Variants in ABCG2 observed in about 807,000 individuals in gnomAD.
The protein encoded by ABCG2 is ATP binding cassette subfamily G member 2 (JR blood group), also known as broad substrate specificity ATP-binding cassette transporter ABCG2.
A neutral mutation model predicts 73.5 loss-of-function variants in ABCG2; 80 were observed. That is an observed-to-expected ratio of 1.09 (90% CI 0.91 to 1.31). ABCG2 has a LOEUF of 1.31. ABCG2 is among the 50% of genes most tolerant of loss of function. The pLI, the probability that ABCG2 is intolerant of heterozygous loss-of-function variation, is 0.00. For synonymous variants in ABCG2, 269 were observed against 282.4 expected (o/e 0.95, Z 0.48); for missense variants, 796 against 786.2 (o/e 1.01, Z -0.15).
At chr4:88,094,074 G>T (rs1721822500) in intron 15 of ABCG2, among the ~76,000 whole-genome samples, 1 of 152,196 alleles carries the variant, frequency 6.6e-6, no homozygotes, top group Admixed American at 6.5e-5. Context: ...GGCAGTGGAA[G>T]TGCCAGGATC....
chr4:88,152,987 A>G (rs1034679209), intron 1 of ABCG2, among the ~76,000 whole-genome samples: 1 of 152,168 alleles, frequency 6.6e-6, no homozygotes, highest in Non-Finnish European at 1.5e-5. Context: ...CCTGGATACA[A>G]TTTTGTATGA....
chr4:88,091,160 A>T lies in ABCG2; in HGVS notation c.*1074T>A, dbSNP rs1318846572. The T allele has an allele frequency of 6.6e-6, 1 of 152,202 alleles. No homozygotes were observed. Among genetic ancestry groups the T allele is most frequent in the Non-Finnish European group, 1.5e-5 (1 of 68,024 alleles). 9.4% of individuals were successfully genotyped at this position (152,202 alleles called of 1,614,324 possible). On this transcript the variant is annotated 3_prime_UTR_variant, in exon 16 of 16. Transcript: ENST00000237612. ...GGCTGAGTAGGCTTTTGTGTGCTAC[A>T]ATCTTCTATTTCTTGACCTGAATTG...
chr4:88,206,040 G>T (rs536410033), intron 1 of ABCG2, among the ~76,000 whole-genome samples: 75 of 152,262 alleles, frequency 4.9e-4, no homozygotes, highest in Middle Eastern at 3.4e-3. Context: ...ACAATACTTC[G>T]TTCTCTAATC....
rs147398910 is a variant in ABCG2 at position 88,119,240 on chromosome 4, T to C, written c.690-980A>G. Among the ~76,000 whole-genome samples the C allele has an allele frequency of 4.9e-3, 740 of 152,268 alleles. 4 individuals are homozygous for C. The highest frequency in any genetic ancestry group is 0.01 in the Middle Eastern group (3 of 294). ...TTTGCCTTCCACGAAAATTGTGAGATCTCCCCAGCCATGTGCAACTGTAAG... is the reference window on the plus strand; with the variant it reads ...TTTGCCTTCCACGAAAATTGTGAGACCTCCCCAGCCATGTGCAACTGTAAG... On this transcript the variant is annotated intron_variant, in intron 6 of 15. Transcript: ENST00000237612.
intron 1 of ABCG2, among the ~76,000 whole-genome samples, chr4:88,188,039 T>C (rs1039300915): frequency 6.6e-6 from 1 of 152,232 alleles, no homozygotes; most frequent in African/African-American, 2.4e-5. Flanking sequence ...AACAGTGTCA[T>C]AGCCTAAAAA....
At chr4:88,230,054 G>A (rs1039288708) in intron 1 of ABCG2, among the ~76,000 whole-genome samples, 14 of 149,458 alleles carry the variant, frequency 9.4e-5, no homozygotes, top group Non-Finnish European at 1.6e-4. Context: ...GTACAATGGC[G>A]CGGTCTTAGC....
At chr4:88,159,065 C>T (rs1727163614), upstream of ABCG2, 1 of 449,194 alleles carries the variant, frequency 2.2e-6, no homozygotes, top group African/African-American at 2.0e-5. Flanking sequence ...GGACTGGTAC[C>T]ACCGCCCTCC....
In ABCG2 at chr4:88,127,087, T is replaced by C. The variant is rs575584772; in HGVS notation, c.531+3974A>G. 2.0e-5 allele frequency among the ~76,000 whole-genome samples: 3 copies of C among 152,290 alleles called. No individual in the cohort carries two copies. In the South Asian group the frequency reaches 6.2e-4, roughly 32 times the overall value. ...AAGCAACTTCAGCAAAGTCTCAGGA[T>C]ACAAAATCAATGTGCAAAAATCACA... On this transcript the variant is annotated intron_variant, in intron 5 of 15. Transcript: ENST00000237612.
At chr4:88,212,505 C>T in intron 1 of ABCG2, among the ~76,000 whole-genome samples, 1 of 152,178 alleles carries the variant, frequency 6.6e-6, no homozygotes, top group East Asian at 1.9e-4. Flanking sequence ...ATCTTGTTCT[C>T]CACCCTGCGT....
chr4:88,194,165 G>C (rs13152539), intron 1 of ABCG2, among the ~76,000 whole-genome samples: 127,988 of 152,164 alleles, frequency 0.84, 54,013 homozygotes, highest in East Asian at 1. Context: ...GGCTGGAATT[G>C]AAGCCCAGGG....
chr4:88,175,401 A>C (rs1266465285), intron 1 of ABCG2, among the ~76,000 whole-genome samples: 1 of 152,252 alleles, frequency 6.6e-6, no homozygotes, highest in Non-Finnish European at 1.5e-5. Context: ...ACAAATGTGT[A>C]GTAGGCTAAA....
Position 88,150,809 on chromosome 4 carries a change from G to A in ABCG2, c.-20+7577C>T, listed in dbSNP as rs546322465. Among the ~76,000 whole-genome samples, 74 of 152,308 alleles carry A rather than the reference G, an allele frequency of 4.9e-4. 1 individual carries two copies. Among genetic ancestry groups the A allele is most frequent in the African/African-American group, 1.7e-3 (70 of 41,564 alleles). On this transcript the variant is annotated intron_variant, in intron 1 of 15. Coordinates refer to ENST00000237612, the MANE Select transcript of ABCG2 (RefSeq NM_004827.3). ...TTTGGTCATGGGTAGGGACAATGCA[G>A]GGAGACCACATAAGAGTCCACCATA...
At chr4:88,129,748 A>G (rs1475473280) in intron 5 of ABCG2, among the ~76,000 whole-genome samples, 3 of 152,250 alleles carry the variant, frequency 2.0e-5, no homozygotes, top group Admixed American at 2.0e-4. Context: ...ACAGGGGATT[A>G]CACTATAGCC....
At chr4:88,191,169 C>T (rs1341099386) in intron 1 of ABCG2, among the ~76,000 whole-genome samples, 3 of 146,310 alleles carry the variant, frequency 2.1e-5, no homozygotes, top group Non-Finnish European at 4.5e-5. Flanking sequence ...GGCGTGAACC[C>T]AGGAGGCTGG....
chr4:88,137,791 G>A (rs1319099397), intron 2 of ABCG2, among the ~76,000 whole-genome samples: 1 of 152,212 alleles, frequency 6.6e-6, no homozygotes, highest in African/African-American at 2.4e-5. Context: ...GAGACAAAGT[G>A]ATGAGAACAA....
At position 88,211,364 on chromosome 4, in the gene ABCG2, C is replaced by G. The variant is rs1487523796; in HGVS notation, c.-20+19630G>C. ...AGGTAATTGTTCAACCCCTGCCCCACCCCCCCCCACTTTTGGAGACCCCAG... is the reference window on the plus strand; with the variant it reads ...AGGTAATTGTTCAACCCCTGCCCCAGCCCCCCCCACTTTTGGAGACCCCAG... On this transcript the variant is annotated intron_variant, in intron 1 of 15. Coordinates refer to the ABCG2 transcript ENST00000515655. Among the ~76,000 whole-genome samples the G allele has an allele frequency of 7.6e-4, 38 of 49,778 alleles. 5 individuals carry two copies. The highest frequency in any genetic ancestry group is 2.7e-3 in the African/African-American group (34 of 12,652). 32.7% of individuals were successfully genotyped at this position (49,778 alleles called of 152,430 possible). A position where few individuals can be genotyped will look rare whatever the true frequency, so the allele number is the denominator to read the frequency against.
exon 1 of ABCG2, chr4:88,231,143 A>G (rs111317927): frequency 1.3e-5 from 2 of 152,210 alleles, no homozygotes; most frequent in African/African-American, 4.8e-5. Flanking sequence ...GTATCAGTCC[A>G]GGAACTTTCC....
At chr4:88,165,788 C>T (rs1245892084) in intron 1 of ABCG2, among the ~76,000 whole-genome samples, 2 of 151,916 alleles carry the variant, frequency 1.3e-5, no homozygotes, top group East Asian at 1.9e-4. Flanking sequence ...GCAGGAGAAT[C>T]GCTTGAACCC....
chr4:88,190,217 A>C (rs1430960832), intron 1 of ABCG2, among the ~76,000 whole-genome samples: 1 of 152,156 alleles, frequency 6.6e-6, no homozygotes, highest in African/African-American at 2.4e-5. Flanking sequence ...TAGAGTTCAG[A>C]GTTCTTCCTT....
Sources: gnomAD v4.1 joint callset for allele counts (sites outside exome capture counted in the v4.1 genomes callset) on GRCh38, gnomAD v4.1.1 for gene constraint, MANE v1.5 for transcripts, NCBI Gene and HGNC (gene_info 2026-07-23, HGNC 2026-07-21) for gene names.